The following EVC2 variants were observed in gnomAD, a reference collection of about 807,000 sequenced individuals.
The protein encoded by EVC2 is EvC ciliary complex subunit 2, also known as limbin.
EVC2 carries 148 observed loss-of-function variants against 149.3 expected under a neutral mutation model. The observed-to-expected ratio is 0.99, with a 90% CI of 0.87 to 1.14. The LOEUF (loss-of-function observed/expected upper bound fraction) is 1.14. EVC2 is among the 50% of genes most tolerant of loss of function. EVC2 has a pLI of 0.00. For synonymous variants in EVC2, 776 were observed against 649.9 expected (o/e 1.19, Z -2.95); for missense variants, 1,854 against 1,627.3 (o/e 1.14, Z -2.40).
chr4:5,535,954 A>T, the EVC2 span, among the ~76,000 whole-genome samples: 1 of 152,084 alleles, frequency 6.6e-6, no homozygotes, highest in Non-Finnish European at 1.5e-5. The surrounding 1 kb of genome is among the most constrained non-coding windows in gnomAD (Gnocchi z 4.7). Context: ...GGCACATAGC[A>T]GGTGCTCAGT....
Position 5,618,131 on chromosome 4 carries a change from T to G in EVC2, c.2706+347A>C, listed in dbSNP as rs1715399271. ...GCCTTTTGTACCCAGAGTCAGTCAT[T>G]AGCTGTGGCTGGAGGAGGGGGCAGG... On this transcript the variant is annotated intron_variant, in intron 15 of 21. Coordinates refer to ENST00000344408, the MANE Select transcript of EVC2 (RefSeq NM_147127.5). The surrounding 1 kb of genome is among the most constrained non-coding windows in gnomAD (Gnocchi z 4.4). Among the ~76,000 whole-genome samples, 2 of 152,146 alleles carry G rather than the reference T, an allele frequency of 1.3e-5. No individual in the cohort carries two copies. The highest frequency in any genetic ancestry group is 4.8e-5 in the African/African-American group (2 of 41,436).
chr4:5,577,697 A>G (rs1723014929), intron 17 of EVC2, among the ~76,000 whole-genome samples: 1 of 152,160 alleles, frequency 6.6e-6, no homozygotes, highest in Non-Finnish European at 1.5e-5. Flanking sequence ...TAGCATGGAC[A>G]CCATCGCACG....
Position 5,562,921 on chromosome 4 carries a change from A to G in EVC2, c.3854T>C (p.Leu1285Pro), listed in dbSNP as rs746578489. 8 of 1,614,064 alleles carry G rather than the reference A, an allele frequency of 5.0e-6. No individual in the cohort carries two copies. Among genetic ancestry groups the G allele is most frequent in the Admixed American group, 1.7e-5 (1 of 60,010 alleles). ...CTTCTTTTTCCTGGGAGGAACGTGC[A>G]GTGAGATCTCTGGCTCCTTTGGATT... ...FRNPKEPEIS[L>P]HVPPRKKKNF... The change falls in exon 22 of 22, where the codon CTG becomes CCG. Residue 1285 changes from leucine (L) to proline (P), a missense_variant. Leu to Pro is a moderately conservative substitution (Grantham distance 98, BLOSUM62 -3). Coordinates refer to ENST00000344408, the MANE Select transcript of EVC2 (RefSeq NM_147127.5). The surrounding 1 kb of genome is among the most constrained non-coding windows in gnomAD (Gnocchi z 4.3).
At chr4:5,656,577 G>T (rs1168684802) in intron 9 of EVC2, among the ~76,000 whole-genome samples, 1 of 152,230 alleles carries the variant, frequency 6.6e-6, no homozygotes, top group Non-Finnish European at 1.5e-5. Context: ...AGCAGAGGAA[G>T]ATTTCACACA....
intron 16 of EVC2, among the ~76,000 whole-genome samples, chr4:5,606,747 C>T (rs753110741): frequency 1.3e-5 from 2 of 152,092 alleles, no homozygotes; most frequent in African/African-American, 2.4e-5. Flanking sequence ...GAAAAAGAAA[C>T]GAGGTGTAAG....
At chr4:5,616,356 T>G (rs1173064826) in intron 15 of EVC2, among the ~76,000 whole-genome samples, 1 of 152,200 alleles carries the variant, frequency 6.6e-6, no homozygotes, top group Non-Finnish European at 1.5e-5. Flanking sequence ...CTTTAGAGTT[T>G]GCAAGTGCCT....
chr4:5,627,805 T>C (rs1309010897), intron 12 of EVC2, among the ~76,000 whole-genome samples: 2 of 152,150 alleles, frequency 1.3e-5, no homozygotes, highest in Non-Finnish European at 2.9e-5. Flanking sequence ...ATACTTAGTG[T>C]CAAAGGTGAA....
rs1205879094 is a variant in EVC2, at chr4:5,618,352, G to A, written c.2706+126C>T. The A allele has an allele frequency of 2.8e-6, 3 of 1,058,844 alleles. No individual in the cohort carries two copies. Among genetic ancestry groups the A allele is most frequent in the Non-Finnish European group, 4.3e-6 (3 of 697,776 alleles). The allele number at this position is 1,058,844 out of a possible 1,614,324, so 65.6% of individuals were successfully genotyped here. ...GAATAGCTGGACACCAATGCAGCCA[G>A]AGAGGAGAGGATAGGGGAGCATGAG... On this transcript the variant is annotated intron_variant, in intron 15 of 21. Coordinates refer to ENST00000344408, the MANE Select transcript of EVC2 (RefSeq NM_147127.5). The surrounding 1 kb of genome is among the most constrained non-coding windows in gnomAD (Gnocchi z 4.4).
At chr4:5,590,788 A>G (rs576990986) in intron 16 of EVC2, among the ~76,000 whole-genome samples, 1 of 151,548 alleles carries the variant, frequency 6.6e-6, no homozygotes, top group East Asian at 1.9e-4. Flanking sequence ...TTATGCTGCT[A>G]TAAAGAACTG....
intron 6 of EVC2, among the ~76,000 whole-genome samples, chr4:5,684,466 G>C (rs1055887637): frequency 1.3e-5 from 2 of 152,154 alleles, no homozygotes; most frequent in Non-Finnish European, 2.9e-5. Context: ...CCATGTCCGT[G>C]AATAGGGAAG....
In EVC2 at chr4:5,625,978, C is replaced by T. The variant is rs1241970202; in HGVS notation, c.1887-70G>A. ...ACCTGTAGCTTAACTGCTATTGTGC[C>T]TGAACATTCATCTCCATATTAGTTT... On this transcript the variant is annotated intron_variant, in intron 12 of 21. Transcript: ENST00000344408. The surrounding 1 kb of genome is among the most constrained non-coding windows in gnomAD (Gnocchi z 4.0). 4 of 1,577,490 alleles carry T rather than the reference C, an allele frequency of 2.5e-6. No individual in the cohort carries two copies. In the African/African-American group the frequency reaches 5.4e-5, roughly 21 times the overall value.
intron 9 of EVC2, among the ~76,000 whole-genome samples, chr4:5,656,604 G>A (rs1354277586): frequency 4.6e-5 from 7 of 152,160 alleles, no homozygotes; most frequent in African/African-American, 1.7e-4. Context: ...AGAAGGGGAG[G>A]TCACGTGCAG....
chr4:5,649,329 G>C lies in EVC2; in HGVS notation c.1146-8491C>G, dbSNP rs117524443. Among the ~76,000 whole-genome samples, 514 of 152,280 alleles carry C rather than the reference G, an allele frequency of 3.4e-3. 14 individuals are homozygous for C. In the East Asian group the frequency reaches 0.06, roughly 18 times the overall value. On this transcript the variant is annotated intron_variant, in intron 9 of 21. Coordinates refer to ENST00000344408, the MANE Select transcript of EVC2 (RefSeq NM_147127.5). The stretch of plus-strand genomic sequence containing the variant: ...GTGATATTCCTCTTGGAAGTGACTG[G>C]AGTTTAGAACCACGCCCAGCACACA...
chr4:5,565,161 A>G, intron 21 of EVC2, 97 bp downstream of exon 21: 1 of 1,146,196 alleles, frequency 8.7e-7, no homozygotes. Flanking sequence ...TGTTTGCAGC[A>G]ACCTCCTTTC....
At chr4:5,533,185 A>G in the EVC2 span, among the ~76,000 whole-genome samples, 1 of 152,000 alleles carries the variant, frequency 6.6e-6, no homozygotes, top group Non-Finnish European at 1.5e-5. Context: ...ATGAGGGGAA[A>G]GGGATATGGG....
At chr4:5,704,302 G>A (rs946732268) in intron 1 of EVC2, among the ~76,000 whole-genome samples, 14 of 152,166 alleles carry the variant, frequency 9.2e-5, no homozygotes, top group Non-Finnish European at 1.0e-4. Context: ...AAACCCATGC[G>A]ATATGCTGAC....
chr4:5,625,670 T>A lies in EVC2; in HGVS notation c.2046+79A>T. On this transcript the variant is annotated intron_variant, in intron 13 of 21. Coordinates refer to ENST00000344408, the MANE Select transcript of EVC2 (RefSeq NM_147127.5). This position sits in a 1 kb window ranked among gnomAD's most constrained non-coding sequence, Gnocchi z 4.0. ...TCTGATCCTAGTTCACCAATGGCAA[T>A]GTCTGGCACAGTACCTGGCACTTGA... 1 of 1,581,556 alleles carries A rather than the reference T, an allele frequency of 6.3e-7. No individual in the cohort carries two copies. Among genetic ancestry groups the A allele is most frequent in the East Asian group, 2.2e-5 (1 of 44,674 alleles).
intron 21 of EVC2, among the ~76,000 whole-genome samples, chr4:5,544,328 G>A (rs991778673): frequency 3.3e-5 from 5 of 151,992 alleles, no homozygotes; most frequent in Admixed American, 2.0e-4. Flanking sequence ...ACAGCAGAAG[G>A]AATTGATTGG....
chr4:5,697,472 C>T (rs1034127343), intron 2 of EVC2, 121 bp downstream of exon 2: 16 of 999,350 alleles, frequency 1.6e-5, no homozygotes, highest in Admixed American at 7.9e-5. Context: ...GATCTACTTG[C>T]CCAAAGTAGA....
Sources: gnomAD v4.1 joint callset for allele counts (sites outside exome capture counted in the v4.1 genomes callset) on GRCh38, gnomAD v4.1.1 for gene constraint, Gnocchi (gnomAD v3.1) non-coding constraint, MANE v1.5 for transcripts, NCBI Gene and HGNC (gene_info 2026-07-23, HGNC 2026-07-21) for gene names.